COQ10B: variants seen among roughly 807,000 people sequenced by gnomAD.
COQ10B encodes the protein coenzyme Q10B.
COQ10B carries 12 observed loss-of-function variants against 27.6 expected under a neutral mutation model. That is an observed-to-expected ratio of 0.43 (90% confidence interval 0.28 to 0.70). The LOEUF (loss-of-function observed/expected upper bound fraction) is 0.70. Among genes scored for constraint, COQ10B ranks in the 30% least tolerant of loss-of-function variants. The pLI, the probability that COQ10B is intolerant of heterozygous loss-of-function variation, is 0.17. For synonymous variants in COQ10B, 115 were observed against 103.0 expected (o/e 1.12, Z -0.71); for missense variants, 278 against 288.7 (o/e 0.96, Z 0.27).
Position 197,462,712 on chromosome 2 carries a change from T to G in COQ10B, c.428T>G (p.Val143Gly). The G allele has an allele frequency of 1.3e-6, 2 of 1,523,002 alleles. No individual in the cohort carries two copies. The highest frequency in any genetic ancestry group is 1.8e-6 in the Non-Finnish European group (2 of 1,140,818). 94.3% of individuals were successfully genotyped at this position (1,523,002 alleles called of 1,614,324 possible). Residue 143 changes from valine (V) to glycine (G), a missense_variant, in exon 3 of 5, where the codon GTG (valine) becomes GGG (glycine). By Grantham distance (109) the Val-to-Gly change is moderately radical (BLOSUM62 -3). This residue lies in a region of COQ10B where 12 missense variants were observed against 26.0 expected (regional missense o/e 0.46). Transcript: ENST00000263960. ...LERYTSVVTL[V>G]KPHLVKASCT... The stretch of plus-strand genomic sequence containing the variant: ...CGATATACATCAGTAGTAACCTTGG[T>G]GAAACCTCATTTAGTAAAGGTAACA...
chr2:197,454,199 C>G (rs556903719), intron 1 of COQ10B: 2 of 1,408,748 alleles, frequency 1.4e-6, no homozygotes, highest in South Asian at 2.7e-5. Flanking sequence ...TCTGCTGTAA[C>G]TTACAGGTCC....
intron 4 of COQ10B, 41 bp from the exon 5 acceptor site, chr2:197,473,716 A>C: frequency 7.3e-7 from 1 of 1,361,276 alleles, no homozygotes; most frequent in South Asian, 1.7e-5. Flanking sequence ...AAAAAGCAAA[A>C]AATAATTTTT....
In COQ10B at chr2:197,453,773, C is replaced by T. The variant is rs73988467; in HGVS notation, c.104+109C>T. The stretch of plus-strand genomic sequence containing the variant: ...GGCAGAGCCGGACTCGGTGCATTTC[C>T]GTGTCTTTAGAGGAGAAGGCTTTTT... On this transcript the variant is annotated intron_variant, in intron 1 of 4. Transcript: ENST00000263960. 5,792 of 1,113,462 alleles carry T rather than the reference C, an allele frequency of 5.2e-3. 208 individuals carry two copies. In the African/African-American group the frequency reaches 0.08, roughly 15 times the overall value. 69.0% of individuals were successfully genotyped at this position (1,113,462 alleles called of 1,614,324 possible). A position where few individuals can be genotyped will look rare whatever the true frequency, so the allele number is the denominator to read the frequency against.
At chr2:197,464,989 C>T (rs2085808921) in intron 3 of COQ10B, among the ~76,000 whole-genome samples, 1 of 151,360 alleles carries the variant, frequency 6.6e-6, no homozygotes. Flanking sequence ...GGGTTCACAT[C>T]ATTCTCCTGC....
intron 3 of COQ10B, among the ~76,000 whole-genome samples, chr2:197,464,016 C>T (rs1380583501): frequency 3.4e-5 from 4 of 117,962 alleles, no homozygotes; most frequent in Non-Finnish European, 6.8e-5. Context: ...CACACACACA[C>T]ACACACACAC....
chr2:197,473,800 C>T lies in COQ10B; in HGVS notation c.593C>T (p.Thr198Ile). 6.3e-7 allele frequency: 1 copy of T among 1,593,802 alleles called. No homozygotes were observed. Among genetic ancestry groups the T allele is most frequent in the South Asian group, 1.1e-5 (1 of 87,674 alleles). ...TCACTTCTACATTCCCAGCTTGCCA[C>T]ACTCTTTTTTGATGAAGTTGTGAAG... is the stretch of plus-strand genomic sequence containing the variant. The part of the protein sequence containing the change: ...FRSLLHSQLA[T>I]LFFDEVVKQM... Residue 198 changes from threonine (T) to isoleucine (I), a missense_variant, in exon 5 of 5, where the codon ACA becomes ATA. Transcript: ENST00000263960.
At chr2:197,471,099 G>A (rs1298827764) in intron 4 of COQ10B, among the ~76,000 whole-genome samples, 3 of 151,942 alleles carry the variant, frequency 2.0e-5, no homozygotes, top group African/African-American at 7.3e-5. Flanking sequence ...CAGAAATAAG[G>A]TAATATATTT....
chr2:197,469,292 A>T (rs747982865), intron 3 of COQ10B, among the ~76,000 whole-genome samples: 2 of 151,996 alleles, frequency 1.3e-5, no homozygotes, highest in Non-Finnish European at 2.9e-5. Flanking sequence ...GCAGCCTCGA[A>T]CTCCTGGGCT....
intron 2 of COQ10B, among the ~76,000 whole-genome samples, chr2:197,461,063 C>T (rs1042840473): frequency 3.9e-5 from 6 of 152,168 alleles, no homozygotes; most frequent in African/African-American, 1.4e-4. Flanking sequence ...TAATTTTACT[C>T]ATTTGCTTTT....
chr2:197,453,859 G>C, intron 1 of COQ10B, 195 bp downstream of exon 1: 1 of 1,264,164 alleles, frequency 7.9e-7, no homozygotes, highest in Non-Finnish European at 1.1e-6. Context: ...CCAAGGCTGT[G>C]TTCGTGGCTC....
At chr2:197,462,834 G>T in intron 3 of COQ10B, 103 bp downstream of exon 3, 1 of 614,910 alleles carries the variant, frequency 1.6e-6, no homozygotes, top group Non-Finnish European at 2.7e-6. Flanking sequence ...TAACCTAACA[G>T]GAGGAGGGTA....
intron 3 of COQ10B, among the ~76,000 whole-genome samples, chr2:197,465,178 C>T (rs958606920): frequency 6.6e-6 from 1 of 152,094 alleles, no homozygotes; most frequent in Non-Finnish European, 1.5e-5. Context: ...AACCACCGCA[C>T]CCATCCAGAA....
At chr2:197,459,372 C>T (rs1008439759) in intron 1 of COQ10B, among the ~76,000 whole-genome samples, 2 of 152,034 alleles carry the variant, frequency 1.3e-5, no homozygotes, top group Non-Finnish European at 2.9e-5. Flanking sequence ...CGCTATGTTG[C>T]CCAGGCTGGT....
intron 1 of COQ10B, among the ~76,000 whole-genome samples, chr2:197,457,031 T>C (rs2085707490): frequency 6.6e-6 from 1 of 152,114 alleles, no homozygotes; most frequent in South Asian, 2.1e-4. Context: ...ATGAAACTGT[T>C]GCACCTCAGA....
intron 1 of COQ10B, among the ~76,000 whole-genome samples, chr2:197,459,201 T>C (rs1228166970): frequency 1.3e-5 from 2 of 152,226 alleles, no homozygotes; most frequent in African/African-American, 4.8e-5. Flanking sequence ...AGTCTCGCCC[T>C]GTCACCCAGG....
rs1485368182 is a variant in COQ10B at position 197,474,815 on chromosome 2, T to C, written c.*891T>C. 6.9e-6 allele frequency: 1 copy of C among 144,346 alleles called. No individual in the cohort carries two copies. The highest frequency in any genetic ancestry group is 1.5e-5 in the Non-Finnish European group (1 of 66,516). 8.9% of individuals were successfully genotyped at this position (144,346 alleles called of 1,614,324 possible). ...GCTCCCAGATAAACAGTGTATTTTCTTCTTTTTTTTTTTTTTTTTGGTGAG... is the reference window on the plus strand; with the variant it reads ...GCTCCCAGATAAACAGTGTATTTTCCTCTTTTTTTTTTTTTTTTTGGTGAG... On this transcript the variant is annotated 3_prime_UTR_variant, in exon 5 of 5. Coordinates refer to ENST00000263960, the MANE Select transcript of COQ10B (RefSeq NM_025147.5).
intron 1 of COQ10B, among the ~76,000 whole-genome samples, chr2:197,456,251 G>A (rs1220408574): frequency 6.6e-6 from 1 of 152,026 alleles, no homozygotes; most frequent in Non-Finnish European, 1.5e-5. Flanking sequence ...GGATCACAAG[G>A]TCAAGAGATC....
chr2:197,466,175 C>G (rs1289280763), intron 3 of COQ10B, among the ~76,000 whole-genome samples: 1 of 152,198 alleles, frequency 6.6e-6, no homozygotes, highest in Non-Finnish European at 1.5e-5. Flanking sequence ...ATTTACTTCC[C>G]TGCTCCCTCC....
intron 1 of COQ10B, among the ~76,000 whole-genome samples, chr2:197,459,237 G>A (rs2085731873): frequency 6.6e-6 from 1 of 152,118 alleles, no homozygotes; most frequent in South Asian, 2.1e-4. Flanking sequence ...TGTGTTCATA[G>A]CTCATTGCAA....
Sources: allele counts gnomAD v4.1 joint callset (sites outside exome capture counted in the v4.1 genomes callset), GRCh38; gene constraint gnomAD v4.1.1; regional missense constraint gnomAD v4.1.1; transcripts MANE v1.5; gene names NCBI Gene and HGNC (gene_info 2026-07-23, HGNC 2026-07-21).